Variants in HMGA2 observed in about 807,000 individuals in gnomAD.
HMGA2 encodes high mobility group protein HMGI-C.
In HMGA2, 8 loss-of-function variants were observed where a neutral mutation model predicts 19.1. That is an observed-to-expected ratio of 0.42 (90% CI 0.25 to 0.76). The LOEUF is 0.76. Ranked by LOEUF, HMGA2 falls within the 30% of genes least tolerant of loss-of-function variation. The pLI is 0.28. For missense variants in HMGA2, 109 were observed against 136.3 expected, an observed-to-expected ratio of 0.80 and a Z score of 1.00; for synonymous variants, 60 against 48.8, an observed-to-expected ratio of 1.23 and a Z score of -0.96.
At chr12:65,841,554 T>A (rs1382275454) in intron 3 of HMGA2, among the ~76,000 whole-genome samples, 1 of 152,228 alleles carries the variant, frequency 6.6e-6, no homozygotes, top group Non-Finnish European at 1.5e-5. Context: ...GCTGAAGAAA[T>A]AAATCATTGC....
At chr12:65,891,444 G>T (rs1476844681) in intron 3 of HMGA2, among the ~76,000 whole-genome samples, 1 of 152,194 alleles carries the variant, frequency 6.6e-6, no homozygotes, top group Admixed American at 6.5e-5. Context: ...AGTTCCCATT[G>T]TGACACTGGA....
rs79084703 is a variant in HMGA2, at chr12:65,853,477, G to A, written c.249+14908G>A. The stretch of plus-strand genomic sequence containing the variant: ...AAGTTTGAGTAGTCTAGAGTGGAAT[G>A]TGGTTAAATATCCCTGCAGATTACT... On this transcript the variant is annotated intron_variant, in intron 3 of 4. Transcript: ENST00000403681. 7.5e-3 allele frequency among the ~76,000 whole-genome samples: 1,135 copies of A among 152,252 alleles called. 13 individuals are homozygous for A. Among genetic ancestry groups the A allele is most frequent in the African/African-American group, 0.026 (1,070 of 41,544 alleles).
intron 4 of HMGA2, chr12:65,953,021 C>T (rs1876507294): frequency 6.6e-6 from 1 of 152,140 alleles, no homozygotes; most frequent in Admixed American, 6.5e-5. Context: ...AAGTAGGTAG[C>T]TTGAAATCCA....
chr12:65,858,089 A>G (rs376004474), intron 3 of HMGA2: 6 of 151,826 alleles, frequency 4.0e-5, no homozygotes, highest in Admixed American at 3.9e-4. Context: ...TCTGCCTCCC[A>G]GCCAGCCATT....
At chr12:65,952,954 C>T (rs578204745) in intron 4 of HMGA2, 7 of 152,590 alleles carry the variant, frequency 4.6e-5, no homozygotes, top group Non-Finnish European at 7.3e-5. Context: ...TATGCTGGAA[C>T]CAGCCCTTGT....
chr12:65,863,780 C>G lies in HMGA2; in HGVS notation c.249+25211C>G, dbSNP rs527454739. On this transcript the variant is annotated intron_variant, in intron 3 of 4. Coordinates refer to ENST00000403681, the MANE Select transcript of HMGA2 (RefSeq NM_003483.6). ...ACTACAGAAGTCGCAACCCTCACCC[C>G]AAAACATGAAGTATTCAAACCTTTT... is the stretch of plus-strand genomic sequence containing the variant. Among the ~76,000 whole-genome samples the G allele has an allele frequency of 2.0e-5, 3 of 152,276 alleles. No homozygotes were observed. In the East Asian group the frequency reaches 5.8e-4, roughly 29 times the overall value.
At chr12:65,930,315 C>A (rs1244197473) in intron 3 of HMGA2, among the ~76,000 whole-genome samples, 1 of 152,136 alleles carries the variant, frequency 6.6e-6, no homozygotes, top group Non-Finnish European at 1.5e-5. Flanking sequence ...AAGGGTACGG[C>A]CATGACCACC....
chr12:65,908,901 A>C (rs1208554693), intron 3 of HMGA2, among the ~76,000 whole-genome samples: 2 of 152,180 alleles, frequency 1.3e-5, no homozygotes, highest in African/African-American at 4.8e-5. Flanking sequence ...GAATTCCACT[A>C]TAATTACCTT....
intron 3 of HMGA2, chr12:65,851,514 TCAAAAA>T (rs1238131053): frequency 6.7e-6 from 2 of 297,234 alleles, no homozygotes; most frequent in Admixed American, 4.3e-5. Context: ...AAACTCCATC[TCAAAAA>T]CAAAAACAAA....
At chr12:65,887,275 G>T (rs1486772062) in intron 3 of HMGA2, among the ~76,000 whole-genome samples, 1 of 152,130 alleles carries the variant, frequency 6.6e-6, no homozygotes, top group Non-Finnish European at 1.5e-5. Flanking sequence ...TCACCATATG[G>T]AAGAGGATTA....
chr12:65,929,728 A>C (rs1875639089), intron 3 of HMGA2, among the ~76,000 whole-genome samples: 2 of 152,166 alleles, frequency 1.3e-5, no homozygotes, highest in Non-Finnish European at 2.9e-5. Context: ...CACTTTGGTG[A>C]ATGCTCATTT....
intron 3 of HMGA2, among the ~76,000 whole-genome samples, chr12:65,927,165 T>C (rs1245256829): frequency 2.0e-5 from 3 of 152,342 alleles, no homozygotes; most frequent in East Asian, 1.9e-4. Context: ...ATTGTTTTTT[T>C]ACAAAATGGC....
chr12:65,927,146 C>T (rs1054989052), intron 3 of HMGA2, among the ~76,000 whole-genome samples: 14 of 152,160 alleles, frequency 9.2e-5, no homozygotes, highest in African/African-American at 2.9e-4. Context: ...AACTGAGTTC[C>T]AGCCCTGGAT....
chr12:65,915,186 T>A, intron 3 of HMGA2: 2 of 1,609,862 alleles, frequency 1.2e-6, no homozygotes, highest in Non-Finnish European at 1.7e-6. Context: ...CTTGAGGAAT[T>A]GTCCATTACA....
rs1263134330 is a variant in HMGA2 at position 65,965,419 on chromosome 12, C to T, written c.*2127C>T. On this transcript the variant is annotated 3_prime_UTR_variant, in exon 5 of 5. Transcript: ENST00000403681. ...TCAACTGGGCCAGGAGGTAGTTTCT[C>T]ATGACGGCTTTTGTCAGTATGGCTT... is the stretch of plus-strand genomic sequence containing the variant. 3.4e-5 allele frequency: 7 copies of T among 203,596 alleles called. No individual in the cohort carries two copies. Among genetic ancestry groups the T allele is most frequent in the Non-Finnish European group, 3.0e-5 (3 of 99,014 alleles). The allele number at this position is 203,596 out of a possible 1,614,324, so 12.6% of individuals were successfully genotyped here. A position where few individuals can be genotyped will look rare whatever the true frequency, so the allele number is the denominator to read the frequency against.
At chr12:65,955,934 G>A (rs1398940952) in intron 4 of HMGA2, 2 of 152,178 alleles carry the variant, frequency 1.3e-5, no homozygotes, top group African/African-American at 4.8e-5. Flanking sequence ...GGAGCAAAAT[G>A]AGAGATTTCA....
intron 3 of HMGA2, among the ~76,000 whole-genome samples, chr12:65,925,160 G>A (rs547370290): frequency 7.9e-5 from 12 of 152,146 alleles, no homozygotes; most frequent in Non-Finnish European, 1.5e-4. Flanking sequence ...TTAATTTTGA[G>A]TAGCTCAAAA....
intron 4 of HMGA2, among the ~76,000 whole-genome samples, chr12:65,959,685 C>A (rs1876696531): frequency 6.6e-6 from 1 of 152,142 alleles, no homozygotes; most frequent in Non-Finnish European, 1.5e-5. Flanking sequence ...GGCTGTTTAG[C>A]CTTCCCACCC....
intron 3 of HMGA2, among the ~76,000 whole-genome samples, chr12:65,949,833 A>G (rs1179476358): frequency 6.6e-6 from 1 of 152,238 alleles, no homozygotes; most frequent in Non-Finnish European, 1.5e-5. Flanking sequence ...CAAAACATTA[A>G]AAGAACTCTT....
Sources: allele counts gnomAD v4.1 joint callset (sites outside exome capture counted in the v4.1 genomes callset), GRCh38; gene constraint gnomAD v4.1.1; transcripts MANE v1.5; gene names NCBI Gene and HGNC (gene_info 2026-07-23, HGNC 2026-07-21).